SMAD5: variants seen among roughly 807,000 people sequenced by gnomAD.
The protein encoded by SMAD5 is SMAD family member 5.
A neutral mutation model predicts 43.1 loss-of-function variants in SMAD5; 9 were observed. The ratio of observed to expected loss-of-function variants is 0.21; its 90% confidence interval spans 0.13 to 0.36. The LOEUF (loss-of-function observed/expected upper bound fraction) is 0.36, where lower values mean the gene tolerates loss of function less well. SMAD5 is among the 10% of genes least tolerant of loss of function. SMAD5 has a pLI of 1.00. For synonymous variants in SMAD5, 190 were observed against 192.4 expected (o/e 0.99, Z 0.10); for missense variants, 348 against 574.0 (o/e 0.61, Z 4.02).
intron 1 of SMAD5, among the ~76,000 whole-genome samples, chr5:136,136,917 G>A (rs1294794567): frequency 1.3e-5 from 2 of 151,950 alleles, no homozygotes; most frequent in Non-Finnish European, 2.9e-5. Context: ...GGCTGGTCTC[G>A]AACTTCTGAC....
In SMAD5 at chr5:136,177,248, A is replaced by G. The variant is rs574915419; in HGVS notation, c.1255-89A>G. Reference sequence around the variant, plus strand: ...GTAACTTCTACATATCTCTACTGTTAAAAGCTATCTTTTTCTTATGGTAAA... The same window carrying G: ...GTAACTTCTACATATCTCTACTGTTGAAAGCTATCTTTTTCTTATGGTAAA... On this transcript the variant is annotated intron_variant, in intron 7 of 7. Transcript: ENST00000545279. The G allele has an allele frequency of 1.2e-5, 14 of 1,132,266 alleles. No homozygotes were observed. In the East Asian group the frequency reaches 3.3e-4, roughly 27 times the overall value. The allele number at this position is 1,132,266 out of a possible 1,614,324, so 70.1% of individuals were successfully genotyped here. A position where few individuals can be genotyped will look rare whatever the true frequency, so the allele number is the denominator to read the frequency against.
chr5:136,155,166 T>C (rs1753595239), intron 3 of SMAD5, among the ~76,000 whole-genome samples: 1 of 152,208 alleles, frequency 6.6e-6, no homozygotes, highest in Non-Finnish European at 1.5e-5. Flanking sequence ...TATTTATTTA[T>C]TAAACATACC....
At chr5:136,163,429 AGTT>A (rs1320524891) in intron 5 of SMAD5, 38 bp downstream of exon 5, 5 of 1,514,354 alleles carry the variant, frequency 3.3e-6, no homozygotes, top group Non-Finnish European at 4.4e-6. Context: ...TTATAGTAGT[AGTT>A]GTTTTTAACT....
intron 1 of SMAD5, among the ~76,000 whole-genome samples, chr5:136,142,706 G>A (rs1240155187): frequency 6.6e-6 from 1 of 152,124 alleles, no homozygotes; most frequent in Non-Finnish European, 1.5e-5. Flanking sequence ...GTAAGAAGGA[G>A]CATACCTTCC....
At position 136,178,418 on chromosome 5, in the gene SMAD5, A is replaced by G. The variant is rs951976068; in HGVS notation, c.*938A>G. On this transcript the variant is annotated 3_prime_UTR_variant, in exon 8 of 8. Transcript: ENST00000545279. ...AGATGCTTATCCTTACGTCCTTGGT[A>G]CCTTTTTTGTATTAACAAACACTGC... 2 of 152,650 alleles carry G rather than the reference A, an allele frequency of 1.3e-5. No homozygotes were observed. The highest frequency in any genetic ancestry group is 4.8e-5 in the African/African-American group (2 of 41,462). 9.5% of individuals were successfully genotyped at this position (152,650 alleles called of 1,614,324 possible). A position where few individuals can be genotyped will look rare whatever the true frequency, so the allele number is the denominator to read the frequency against.
intron 1 of SMAD5, chr5:136,134,958 A>G (rs1752824241): frequency 6.6e-6 from 1 of 152,262 alleles, no homozygotes. Flanking sequence ...TTTTAAAGGC[A>G]TCCACATGAT....
intron 3 of SMAD5, 66 bp downstream of exon 3, chr5:136,154,229 T>C: frequency 3.2e-6 from 3 of 950,278 alleles, no homozygotes; most frequent in Non-Finnish European, 4.4e-6. Flanking sequence ...CTGATATGCA[T>C]GTAACTAGAT....
At chr5:136,152,166 C>T (rs1486758388) in intron 2 of SMAD5, among the ~76,000 whole-genome samples, 1 of 152,082 alleles carries the variant, frequency 6.6e-6, no homozygotes, top group Non-Finnish European at 1.5e-5. Flanking sequence ...GCATAGAAGG[C>T]TGGATAGCTG....
In SMAD5 at chr5:136,165,499, C is replaced by T. The variant is rs922297845; in HGVS notation, c.775+2108C>T. On this transcript the variant is annotated intron_variant, in intron 5 of 7. Transcript: ENST00000545279. Reference sequence around the variant, plus strand: ...TATAATGTTGTGTGACCATCACCACCATCCATTTCTATAGCTCTTTTCACC... The same window carrying T: ...TATAATGTTGTGTGACCATCACCACTATCCATTTCTATAGCTCTTTTCACC... Among the ~76,000 whole-genome samples, 5 of 151,850 alleles carry T rather than the reference C, an allele frequency of 3.3e-5. No individual in the cohort carries two copies. In the South Asian group the frequency reaches 6.2e-4, roughly 19 times the overall value.
At chr5:136,159,107 CAT>C (rs1001729853) in intron 3 of SMAD5, among the ~76,000 whole-genome samples, 2 of 152,084 alleles carry the variant, frequency 1.3e-5, no homozygotes, top group African/African-American at 2.4e-5. Flanking sequence ...AAAGTAGACT[CAT>C]AGTACACTTG....
intron 1 of SMAD5, among the ~76,000 whole-genome samples, chr5:136,139,323 G>T (rs1752992932): frequency 6.6e-6 from 1 of 152,156 alleles, no homozygotes; most frequent in Non-Finnish European, 1.5e-5. Flanking sequence ...ATTTGAAATA[G>T]AAGCTTTGTG....
chr5:136,137,301 A>G (rs922248575), intron 1 of SMAD5, among the ~76,000 whole-genome samples: 1 of 141,628 alleles, frequency 7.1e-6, no homozygotes, highest in African/African-American at 2.8e-5. Context: ...TATAGCATAT[A>G]TGTACTTTAT....
chr5:136,154,372 TA>T (rs1247517349), intron 3 of SMAD5, among the ~76,000 whole-genome samples: 1 of 152,168 alleles, frequency 6.6e-6, no homozygotes, highest in Non-Finnish European at 1.5e-5. Context: ...TCTAATTCAT[TA>T]TTCACTGTAA....
In SMAD5 at chr5:136,136,925, G is replaced by A. The variant is rs181894928; in HGVS notation, c.-245+3963G>A. Among the ~76,000 whole-genome samples the A allele has an allele frequency of 2.0e-5, 3 of 152,154 alleles. No individual in the cohort carries two copies. The East Asian group carries it at 5.8e-4, about 29-fold the overall frequency. ...TTGGCCAGGCTGGTCTCGAACTTCTGACCTCAAGTGATCTGCCCGCTATGG... is the reference window on the plus strand; with the variant it reads ...TTGGCCAGGCTGGTCTCGAACTTCTAACCTCAAGTGATCTGCCCGCTATGG... On this transcript the variant is annotated intron_variant, in intron 1 of 7. Transcript: ENST00000545279.
intron 1 of SMAD5, among the ~76,000 whole-genome samples, chr5:136,137,270 A>ACCCCCCCCC (rs61537356): frequency 3.2e-4 from 40 of 125,212 alleles, no homozygotes; most frequent in African/African-American, 5.0e-4. Flanking sequence ...ATTTTTTGGG[A>ACCCCCCCCC]CCCCCCCCCG....
At chr5:136,145,313 A>T (rs1285368189) in intron 1 of SMAD5, among the ~76,000 whole-genome samples, 1 of 151,882 alleles carries the variant, frequency 6.6e-6, no homozygotes, top group East Asian at 1.9e-4. Flanking sequence ...TGCCATTTAA[A>T]ATATTTTCTT....
chr5:136,159,983 G>A (rs999972249), intron 3 of SMAD5, among the ~76,000 whole-genome samples: 6 of 152,186 alleles, frequency 3.9e-5, no homozygotes, highest in Non-Finnish European at 7.3e-5. Context: ...TTAATGAGAT[G>A]AGTTGTAAAT....
chr5:136,160,809 T>C, intron 3 of SMAD5, 47 bp from the exon 4 acceptor site: 1 of 1,595,780 alleles, frequency 6.3e-7, no homozygotes, highest in East Asian at 2.2e-5. Flanking sequence ...GGATGGGGCA[T>C]TTGTTTAGTC....
chr5:136,134,658 CTT>C (rs1195123716), intron 1 of SMAD5: 1 of 152,132 alleles, frequency 6.6e-6, no homozygotes, highest in East Asian at 1.9e-4. Context: ...AAATGCAAAA[CTT>C]AGACAATTTA....
Sources: allele counts gnomAD v4.1 joint callset (sites outside exome capture counted in the v4.1 genomes callset), GRCh38; gene constraint gnomAD v4.1.1; transcripts MANE v1.5; gene names NCBI Gene and HGNC (gene_info 2026-07-23, HGNC 2026-07-21).